MTF1: variants seen among roughly 807,000 people sequenced by gnomAD.
MTF1 encodes the protein metal regulatory transcription factor 1.
MTF1 carries 22 observed loss-of-function variants against 70.4 expected under a neutral mutation model. That is an observed-to-expected ratio of 0.31 (90% CI 0.22 to 0.45). MTF1 has a LOEUF of 0.45. MTF1 is among the 20% of genes least tolerant of loss of function. The pLI is 1.00. For missense variants in MTF1, 649 were observed against 922.0 expected (o/e 0.70, Z 3.83); for synonymous variants, 333 against 352.8 (o/e 0.94, Z 0.63).
Position 37,857,391 on chromosome 1 carries a change from A to T in MTF1, c.268T>A (p.Ser90Thr), listed in dbSNP as rs1201788254. The change falls in exon 2 of 11, where the codon TCC (serine) becomes ACC (threonine). Residue 90 changes from serine (S) to threonine (T), a missense_variant. Physicochemically the swap from Ser to Thr is moderately conservative, Grantham distance 58. Around this residue, in one of 7 missense-constraint regions of MTF1, gnomAD observed 44 missense variants for 38.1 expected, o/e 1.15. Transcript: ENST00000373036. Reference protein sequence around the residue: ...GFHLIDHEAMSQGYVQHIISP... With the variant: ...GFHLIDHEAMTQGYVQHIISP... ...ATAATGTGCTGCACATAACCCTGGG[A>T]CATTGCTTCATGATCTATCAGGTGA... 1 of 1,614,230 alleles carries T rather than the reference A, an allele frequency of 6.2e-7. No homozygotes were observed. Among genetic ancestry groups the T allele is most frequent in the South Asian group, 1.1e-5 (1 of 91,092 alleles).
Position 37,815,195 on chromosome 1 carries a change from T to A in MTF1, c.2203A>T (p.Ile735Phe), listed in dbSNP as rs1464047917. 2 of 1,614,086 alleles carry A rather than the reference T, an allele frequency of 1.2e-6. No individual in the cohort carries two copies. Among genetic ancestry groups the A allele is most frequent in the South Asian group, 2.2e-5 (2 of 91,080 alleles). Residue 735 changes from isoleucine (I) to phenylalanine (F), a missense_variant, in exon 11 of 11, where the codon ATT (isoleucine) becomes TTT (phenylalanine). Physicochemically the swap from Ile to Phe is conservative, Grantham distance 21. Coordinates refer to ENST00000373036, the MANE Select transcript of MTF1 (RefSeq NM_005955.3). The surrounding 1 kb of genome is among the most constrained non-coding windows in gnomAD (Gnocchi z 4.5). ...TCCTCCCCCTGCAGTAGTGCTTCAATGGGAATCAGATTGGACGGGGTGTCC... is the reference window on the plus strand; with the variant it reads ...TCCTCCCCCTGCAGTAGTGCTTCAAAGGGAATCAGATTGGACGGGGTGTCC... ...SLDTPSNLIP[I>F]EALLQGEEEM...
intron 4 of MTF1, among the ~76,000 whole-genome samples, chr1:37,837,408 A>C (rs1164689892): frequency 6.6e-6 from 1 of 152,214 alleles, no homozygotes; most frequent in Non-Finnish European, 1.5e-5. Flanking sequence ...TTTATTTCTA[A>C]GTACCCTAAC....
chr1:37,854,079 C>T (rs1641455379), intron 2 of MTF1, among the ~76,000 whole-genome samples: 1 of 152,334 alleles, frequency 6.6e-6, no homozygotes, highest in African/African-American at 2.4e-5. Flanking sequence ...ACCATCTTGG[C>T]TCATTGCAAC....
chr1:37,836,662 T>C (rs919720378), intron 4 of MTF1, among the ~76,000 whole-genome samples: 2 of 152,222 alleles, frequency 1.3e-5, no homozygotes, highest in African/African-American at 2.4e-5. Flanking sequence ...GAGTGTAAAC[T>C]ACTTGAGTAC....
chr1:37,853,945 A>G (rs1222464432), intron 2 of MTF1, among the ~76,000 whole-genome samples: 1 of 152,196 alleles, frequency 6.6e-6, no homozygotes, highest in Non-Finnish European at 1.5e-5. Context: ...GTTGAAATGA[A>G]CCCCCCTACA....
At chr1:37,826,363 C>A (rs908840454) in intron 7 of MTF1, among the ~76,000 whole-genome samples, 1 of 152,142 alleles carries the variant, frequency 6.6e-6, no homozygotes, top group Admixed American at 6.5e-5. Flanking sequence ...CAAGTCACTG[C>A]AACCTTGAAC....
At chr1:37,855,876 A>G (rs1320525438) in intron 2 of MTF1, among the ~76,000 whole-genome samples, 2 of 151,950 alleles carry the variant, frequency 1.3e-5, no homozygotes, top group East Asian at 3.9e-4. Context: ...GAGAATTGCT[A>G]GAACCCAGGA....
rs1157680988 is a variant in MTF1, at chr1:37,813,998, T to A, written c.*1138A>T. On this transcript the variant is annotated 3_prime_UTR_variant, in exon 11 of 11. Coordinates refer to ENST00000373036, the MANE Select transcript of MTF1 (RefSeq NM_005955.3). ...GAAGATCATCGTTTTGTGTTTCTTTTTTTTTTTTTTTTAAATAAATCACAT... is the reference window on the plus strand; with the variant it reads ...GAAGATCATCGTTTTGTGTTTCTTTATTTTTTTTTTTTAAATAAATCACAT... 6.6e-6 allele frequency: 1 copy of A among 152,050 alleles called. No homozygotes were observed. The highest frequency in any genetic ancestry group is 2.1e-4 in the South Asian group (1 of 4,826). 9.4% of individuals were successfully genotyped at this position (152,050 alleles called of 1,614,324 possible). A position where few individuals can be genotyped will look rare whatever the true frequency, so the allele number is the denominator to read the frequency against.
intron 2 of MTF1, among the ~76,000 whole-genome samples, chr1:37,845,139 G>A (rs1363170815): frequency 3.3e-5 from 5 of 152,206 alleles, no homozygotes; most frequent in African/African-American, 4.8e-5. Flanking sequence ...GAGAAGTGGC[G>A]CTTGATTTAT....
chr1:37,844,637 C>T (rs1364468929), intron 2 of MTF1, among the ~76,000 whole-genome samples: 2 of 152,134 alleles, frequency 1.3e-5, no homozygotes, highest in Non-Finnish European at 2.9e-5. Flanking sequence ...AATCATAAAG[C>T]TTACAACAAT....
At chr1:37,819,745 A>G (rs889594799) in intron 9 of MTF1, among the ~76,000 whole-genome samples, 7 of 152,064 alleles carry the variant, frequency 4.6e-5, no homozygotes, top group African/African-American at 1.7e-4. Context: ...TGAGGTCAGG[A>G]GTTGGAGACC....
At chr1:37,852,791 C>G (rs930209694) in intron 2 of MTF1, among the ~76,000 whole-genome samples, 1 of 152,030 alleles carries the variant, frequency 6.6e-6, no homozygotes, top group African/African-American at 2.4e-5. Flanking sequence ...CCACCACAAC[C>G]GGCTAATTTT....
At chr1:37,821,731 G>A (rs566698651) in intron 9 of MTF1, among the ~76,000 whole-genome samples, 9 of 152,248 alleles carry the variant, frequency 5.9e-5, no homozygotes, top group South Asian at 2.1e-4. Flanking sequence ...ACTGCTGTCC[G>A]GTGCCATCTG....
intron 2 of MTF1, among the ~76,000 whole-genome samples, chr1:37,844,531 C>T (rs1042385344): frequency 1.1e-4 from 17 of 152,166 alleles, no homozygotes; most frequent in African/African-American, 4.1e-4. Context: ...GACTAAAAAC[C>T]TCCTTTGTGC....
chr1:37,818,304 G>A (rs1640850426), intron 9 of MTF1, among the ~76,000 whole-genome samples: 1 of 152,114 alleles, frequency 6.6e-6, no homozygotes, highest in South Asian at 2.1e-4. Context: ...AGAGAAGGAG[G>A]GTGTGGTGGT....
intron 2 of MTF1, among the ~76,000 whole-genome samples, chr1:37,854,217 C>G (rs1409556319): frequency 1.3e-5 from 2 of 152,182 alleles, no homozygotes; most frequent in African/African-American, 4.8e-5. Flanking sequence ...TTGTGTTGGC[C>G]AGGCTAGTCT....
rs1640698267 is a variant in MTF1 at position 37,810,425 on chromosome 1, C to A, written c.*4711G>T. On this transcript the variant is annotated 3_prime_UTR_variant, in exon 11 of 11. Coordinates refer to ENST00000373036, the MANE Select transcript of MTF1 (RefSeq NM_005955.3). ...ACTATGTACACATTGACATAAAGAT[C>A]CAGTTTAATTTGCATTTTTCAGTGC... 1 of 152,164 alleles carries A rather than the reference C, an allele frequency of 6.6e-6. No homozygotes were observed. The highest frequency in any genetic ancestry group is 2.1e-4 in the South Asian group (1 of 4,828). The allele number at this position is 152,164 out of a possible 1,614,324, so 9.4% of individuals were successfully genotyped here.
chr1:37,829,909 A>G (rs1304815633), intron 7 of MTF1, among the ~76,000 whole-genome samples: 1 of 152,202 alleles, frequency 6.6e-6, no homozygotes, highest in East Asian at 1.9e-4. Context: ...CATGATCTAT[A>G]ATTAAACCCC....
chr1:37,858,015 T>TAAAAAAA (rs71053997), intron 1 of MTF1, among the ~76,000 whole-genome samples: 1 of 123,860 alleles, frequency 8.1e-6, no homozygotes, highest in African/African-American at 3.3e-5. Context: ...CCATCTCTAA[T>TAAAAAAA]AAAAAAAAAA....
Sources: allele counts gnomAD v4.1 joint callset (sites outside exome capture counted in the v4.1 genomes callset), GRCh38; gene constraint gnomAD v4.1.1; regional missense constraint gnomAD v4.1.1; non-coding constraint Gnocchi (gnomAD v3.1); transcripts MANE v1.5; gene names NCBI Gene and HGNC (gene_info 2026-07-23, HGNC 2026-07-21).